NAALADL2: variants seen among roughly 807,000 people sequenced by gnomAD.
NAALADL2 encodes the protein N-acetylated alpha-linked acidic dipeptidase like 2.
Under a neutral mutation model 87.2 loss-of-function variants are expected in NAALADL2, and 76 were observed. That is an observed-to-expected ratio of 0.87 (90% CI 0.72 to 1.05). The LOEUF (loss-of-function observed/expected upper bound fraction) is 1.05. NAALADL2 is among the 50% of genes least tolerant of loss of function. The pLI, the probability that NAALADL2 is intolerant of heterozygous loss-of-function variation, is 0.00. For missense variants in NAALADL2, 1,089 were observed against 945.8 expected (o/e 1.15, Z -1.99); for synonymous variants, 354 against 331.0 (o/e 1.07, Z -0.75).
intron 9 of NAALADL2, among the ~76,000 whole-genome samples, chr3:175,540,393 A>G (rs1187790732): frequency 6.6e-6 from 1 of 152,168 alleles, no homozygotes; most frequent in African/African-American, 2.4e-5. Context: ...CAGAGCACCT[A>G]ATGCCTACAC....
At chr3:175,405,200 T>A (rs1314549029) in intron 5 of NAALADL2, among the ~76,000 whole-genome samples, 1 of 152,182 alleles carries the variant, frequency 6.6e-6, no homozygotes, top group Non-Finnish European at 1.5e-5. Context: ...ATAAAGTTAA[T>A]TTGAAGATTT....
intron 2 of NAALADL2, among the ~76,000 whole-genome samples, chr3:174,639,274 G>A (rs1722944089): frequency 6.6e-6 from 1 of 152,090 alleles, no homozygotes; most frequent in Non-Finnish European, 1.5e-5. Flanking sequence ...CAAAAACTTT[G>A]TTCACCTGTA....
intron 1 of NAALADL2, among the ~76,000 whole-genome samples, chr3:174,483,169 A>G (rs945751392): frequency 2.6e-5 from 4 of 151,988 alleles, no homozygotes; most frequent in Non-Finnish European, 4.4e-5. Context: ...AAATAATTAT[A>G]TATGTGTATT....
chr3:175,133,660 C>G (rs7622925), intron 2 of NAALADL2, among the ~76,000 whole-genome samples: 85,448 of 151,964 alleles, frequency 0.56, 24,734 homozygotes, highest in African/African-American at 0.7. Context: ...GCAGTGAGCC[C>G]AGATGGCAGC....
At chr3:174,809,526 C>T (rs895925415) in intron 3 of NAALADL2, among the ~76,000 whole-genome samples, 6 of 152,062 alleles carry the variant, frequency 3.9e-5, no homozygotes, top group Non-Finnish European at 7.4e-5. Flanking sequence ...GCTTATAAAG[C>T]TGCTAAGAAT....
chr3:175,508,565 CA>C (rs1233776674), intron 9 of NAALADL2, among the ~76,000 whole-genome samples: 1 of 152,220 alleles, frequency 6.6e-6, no homozygotes, highest in East Asian at 1.9e-4. Context: ...CATGCAAAAA[CA>C]GCAATCTTCA....
intron 11 of NAALADL2, among the ~76,000 whole-genome samples, chr3:175,719,034 C>A (rs529111683): frequency 2.0e-5 from 3 of 151,902 alleles, no homozygotes; most frequent in Non-Finnish European, 4.4e-5. Context: ...TTTTTAGTTG[C>A]GATTGGGCCA....
At chr3:175,059,378 AT>A (rs1472409864) in intron 1 of NAALADL2, 2 of 153,328 alleles carry the variant, frequency 1.3e-5, no homozygotes, top group Non-Finnish European at 2.9e-5. Context: ...GAAAGCAGCC[AT>A]ATCCATCGAC....
chr3:175,239,278 G>A (rs1347711605), intron 3 of NAALADL2, among the ~76,000 whole-genome samples: 1 of 152,152 alleles, frequency 6.6e-6, no homozygotes, highest in African/African-American at 2.4e-5. Context: ...TGTAAGGTTA[G>A]CTTCAGGGAA....
At chr3:175,073,766 G>C (rs957364909) in intron 1 of NAALADL2, among the ~76,000 whole-genome samples, 1 of 152,152 alleles carries the variant, frequency 6.6e-6, no homozygotes, top group East Asian at 1.9e-4. Flanking sequence ...GAAACTAGTG[G>C]TTATTGTGGT....
At chr3:175,307,581 A>T (rs1757873544) in intron 4 of NAALADL2, among the ~76,000 whole-genome samples, 1 of 152,108 alleles carries the variant, frequency 6.6e-6, no homozygotes, top group Non-Finnish European at 1.5e-5. Context: ...CACTGTAAGC[A>T]TTTTTTGTCT....
chr3:174,838,597 A>G (rs1467386692), intron 3 of NAALADL2, among the ~76,000 whole-genome samples: 2 of 152,188 alleles, frequency 1.3e-5, no homozygotes, highest in East Asian at 1.9e-4. Context: ...AGAAAACTCT[A>G]AAGACTACTC....
At chr3:174,731,387 C>A (rs538269612) in intron 2 of NAALADL2, among the ~76,000 whole-genome samples, 12 of 152,210 alleles carry the variant, frequency 7.9e-5, no homozygotes, top group Admixed American at 6.5e-4. Context: ...GGTGGCATTT[C>A]GGCATTTACT....
At chr3:175,171,828 C>CCCATG (rs1734879249) in intron 2 of NAALADL2, among the ~76,000 whole-genome samples, 1 of 152,010 alleles carries the variant, frequency 6.6e-6, no homozygotes, top group African/African-American at 2.4e-5. Context: ...TTCCCATGTT[C>CCCATG]TTACTCATAT....
chr3:175,610,930 G>A (rs1036458506), intron 10 of NAALADL2, among the ~76,000 whole-genome samples: 57 of 152,034 alleles, frequency 3.7e-4, no homozygotes, highest in African/African-American at 1.0e-3. Context: ...ACAGTATGCC[G>A]TATATGCAAA....
At chr3:175,342,985 A>G (rs1315008974) in intron 5 of NAALADL2, among the ~76,000 whole-genome samples, 1 of 152,148 alleles carries the variant, frequency 6.6e-6, no homozygotes, top group African/African-American at 2.4e-5. Flanking sequence ...CAGATTGAAC[A>G]ATAGTTTTAA....
intron 9 of NAALADL2, among the ~76,000 whole-genome samples, chr3:175,494,255 G>T: frequency 6.6e-6 from 1 of 151,770 alleles, no homozygotes; most frequent in Non-Finnish European, 1.5e-5. Flanking sequence ...TATAATTTGT[G>T]ATGTCTACAT....
chr3:174,713,608 A>C (rs1455735683), intron 2 of NAALADL2, among the ~76,000 whole-genome samples: 1 of 152,172 alleles, frequency 6.6e-6, no homozygotes, highest in African/African-American at 2.4e-5. Flanking sequence ...TCTTGTTTTG[A>C]GAAGTGTCTG....
intron 13 of NAALADL2, among the ~76,000 whole-genome samples, chr3:175,780,939 A>T (rs1315405890): frequency 1.3e-5 from 2 of 152,102 alleles, no homozygotes; most frequent in Non-Finnish European, 2.9e-5. Context: ...CTCTTTAATA[A>T]TCTTATTTAT....
Sources: gnomAD v4.1 joint callset for allele counts (sites outside exome capture counted in the v4.1 genomes callset) on GRCh38, gnomAD v4.1.1 for gene constraint, MANE v1.5 for transcripts, NCBI Gene and HGNC (gene_info 2026-07-23, HGNC 2026-07-21) for gene names.